VTI1A: variants seen among roughly 807,000 people sequenced by gnomAD.
VTI1A encodes the protein vesicle transport through interaction with t-SNAREs 1A, also known as vesicle transport through interaction with t-SNAREs homolog 1A.
Under a neutral mutation model 34.9 loss-of-function variants are expected in VTI1A, and 22 were observed. The ratio of observed to expected loss-of-function variants is 0.63; its 90% confidence interval spans 0.45 to 0.90. The LOEUF (loss-of-function observed/expected upper bound fraction) is 0.90. VTI1A is among the 40% of genes least tolerant of loss of function. VTI1A has a pLI of 0.00. For synonymous variants in VTI1A, 87 were observed against 97.3 expected (o/e 0.89, Z 0.62); for missense variants, 268 against 275.6 (o/e 0.97, Z 0.20).
At chr10:112,577,909 C>G (rs1392456457) in intron 5 of VTI1A, among the ~76,000 whole-genome samples, 1 of 152,186 alleles carries the variant, frequency 6.6e-6, no homozygotes, top group Non-Finnish European at 1.5e-5. Context: ...TAAGTTTCAG[C>G]AAATCATTTA....
chr10:112,546,995 TG>T, intron 5 of VTI1A, among the ~76,000 whole-genome samples: 1 of 152,292 alleles, frequency 6.6e-6, no homozygotes, highest in East Asian at 1.9e-4. Flanking sequence ...AATTTTAAAC[TG>T]CAGGCTGGCA....
chr10:112,705,706 C>T (rs1247755583), intron 7 of VTI1A, among the ~76,000 whole-genome samples: 1 of 152,160 alleles, frequency 6.6e-6, no homozygotes, highest in Non-Finnish European at 1.5e-5. Flanking sequence ...AAGAAAGCTG[C>T]TAAAGAGCAT....
chr10:112,606,184 C>A (rs1370939644), intron 5 of VTI1A, among the ~76,000 whole-genome samples: 1 of 151,962 alleles, frequency 6.6e-6, no homozygotes, highest in Non-Finnish European at 1.5e-5. Flanking sequence ...CGCCACCACC[C>A]CTGGCTAATT....
the VTI1A span, among the ~76,000 whole-genome samples, chr10:112,828,301 G>A: frequency 1.3e-5 from 2 of 152,114 alleles, no homozygotes; most frequent in African/African-American, 2.4e-5. Flanking sequence ...AGCTCCAGTG[G>A]CACAGTCAGT....
chr10:112,847,361 C>T, the VTI1A span, among the ~76,000 whole-genome samples: 1 of 152,090 alleles, frequency 6.6e-6, no homozygotes, highest in Non-Finnish European at 1.5e-5. Flanking sequence ...TCAAGCAGAC[C>T]GAATTTCCTA....
chr10:112,570,650 C>T (rs1852085289), intron 5 of VTI1A, among the ~76,000 whole-genome samples: 1 of 152,144 alleles, frequency 6.6e-6, no homozygotes, highest in Non-Finnish European at 1.5e-5. Flanking sequence ...ACGTAATAGC[C>T]AGAATACCTC....
intron 3 of VTI1A, among the ~76,000 whole-genome samples, chr10:112,510,304 A>G (rs1265049649): frequency 6.6e-6 from 1 of 152,098 alleles, no homozygotes; most frequent in Non-Finnish European, 1.5e-5. Context: ...CTGTTAAGCA[A>G]TCTAATTTAG....
At chr10:112,589,165 G>A (rs1019300788) in intron 5 of VTI1A, among the ~76,000 whole-genome samples, 5 of 151,908 alleles carry the variant, frequency 3.3e-5, no homozygotes, top group Admixed American at 1.3e-4. Flanking sequence ...TACATGGGGG[G>A]TGATATGATT....
intron 3 of VTI1A, among the ~76,000 whole-genome samples, chr10:112,468,332 C>G (rs564296432): frequency 2.8e-4 from 43 of 152,212 alleles, no homozygotes; most frequent in Middle Eastern, 3.4e-3. Flanking sequence ...TTGTTTTAAT[C>G]ATTATTTCTT....
chr10:112,701,643 C>T (rs1420510314), intron 7 of VTI1A, among the ~76,000 whole-genome samples: 1 of 152,040 alleles, frequency 6.6e-6, no homozygotes, highest in Non-Finnish European at 1.5e-5. Context: ...TAGCACTGAG[C>T]CAAAAGCAGA....
the VTI1A span, among the ~76,000 whole-genome samples, chr10:112,852,517 G>C: frequency 2.0e-5 from 3 of 152,218 alleles, no homozygotes; most frequent in Non-Finnish European, 4.4e-5. Flanking sequence ...AGAGGAAGCC[G>C]CAAGTCTGGA....
intron 3 of VTI1A, among the ~76,000 whole-genome samples, chr10:112,468,321 C>T (rs1181893151): frequency 6.6e-6 from 1 of 152,100 alleles, no homozygotes; most frequent in Admixed American, 6.6e-5. Flanking sequence ...ACATAACTCC[C>T]TTGTTTTAAT....
intron 2 of VTI1A, among the ~76,000 whole-genome samples, chr10:112,462,598 C>G (rs1228278228): frequency 6.6e-6 from 1 of 152,142 alleles, no homozygotes; most frequent in Non-Finnish European, 1.5e-5. Context: ...ATTGGTGCTT[C>G]TCATTTATGT....
At chr10:112,616,561 A>G (rs1039647018) in intron 5 of VTI1A, among the ~76,000 whole-genome samples, 1 of 152,202 alleles carries the variant, frequency 6.6e-6, no homozygotes, top group African/African-American at 2.4e-5. Context: ...CAAAGAAAAA[A>G]AAATGACCAT....
rs116176150 is a variant in VTI1A at position 112,816,377 on chromosome 10, C to T, written c.*994C>T. 5,014 of 222,954 alleles carry T rather than the reference C, an allele frequency of 0.022. 142 individuals carry two copies. Among genetic ancestry groups the T allele is most frequent in the East Asian group, 0.089 (1,360 of 15,294 alleles). 13.8% of individuals were successfully genotyped at this position (222,954 alleles called of 1,614,324 possible). ...GGGAGAGTCCTATAGGAGGGTCCAC[C>T]AGAGATAAACTTCACGGAAAACGTT... On this transcript the variant is annotated 3_prime_UTR_variant, in exon 8 of 8. Transcript: ENST00000393077.
At chr10:112,522,174 A>C (rs1353872350) in intron 3 of VTI1A, among the ~76,000 whole-genome samples, 1 of 152,028 alleles carries the variant, frequency 6.6e-6, no homozygotes, top group Non-Finnish European at 1.5e-5. Context: ...AATTCTTTGG[A>C]GCAGTTAAAT....
chr10:112,813,466 C>T (rs1274561526), intron 7 of VTI1A, among the ~76,000 whole-genome samples: 1 of 152,140 alleles, frequency 6.6e-6, no homozygotes, highest in Non-Finnish European at 1.5e-5. Flanking sequence ...ATTTCCTTTG[C>T]AAGTCTGATG....
At chr10:112,726,155 C>T (rs554844423) in intron 7 of VTI1A, among the ~76,000 whole-genome samples, 17 of 152,034 alleles carry the variant, frequency 1.1e-4, no homozygotes, top group Non-Finnish European at 2.4e-4. Flanking sequence ...CTGGATGCTC[C>T]CTCCCCACAC....
At chr10:112,750,479 G>A (rs75994178) in intron 7 of VTI1A, among the ~76,000 whole-genome samples, 1,765 of 152,242 alleles carry the variant, frequency 0.012, 35 homozygotes, top group East Asian at 0.079. Context: ...GCCTCCCAAA[G>A]TGCTGGGATT....
Sources: gnomAD v4.1 joint callset for allele counts (sites outside exome capture counted in the v4.1 genomes callset) on GRCh38, gnomAD v4.1.1 for gene constraint, MANE v1.5 for transcripts, NCBI Gene and HGNC (gene_info 2026-07-23, HGNC 2026-07-21) for gene names.